Variants in RBMS3 observed in about 807,000 individuals in gnomAD.
RBMS3 encodes the protein RNA-binding motif, single-stranded-interacting protein 3.
A neutral mutation model predicts 66.8 loss-of-function variants in RBMS3; 27 were observed. The ratio of observed to expected loss-of-function variants is 0.40; its 90% CI spans 0.30 to 0.56. RBMS3 has a LOEUF of 0.56. RBMS3 is among the 20% of genes least tolerant of loss of function. The pLI, the probability that RBMS3 is intolerant of heterozygous loss-of-function variation, is 0.40. For missense variants in RBMS3, 513 were observed against 549.5 expected (o/e 0.93, Z 0.66); for synonymous variants, 188 against 183.0 (o/e 1.03, Z -0.22).
chr3:29,599,893 CA>C (rs1393775578), intron 4 of RBMS3, among the ~76,000 whole-genome samples: 2 of 151,552 alleles, frequency 1.3e-5, no homozygotes, highest in Non-Finnish European at 2.9e-5. Context: ...AGTATTCACC[CA>C]AATCAGGAAA....
At position 29,361,376 on chromosome 3, in the gene RBMS3, C is replaced by A. The variant is rs546842957; in HGVS notation, c.76-73367C>A. ...TATTTAAGAATGTTGAATATTGACCCCCACTCTCTTCTGGCTTGTAGAGTT... is the reference window on the plus strand; with the variant it reads ...TATTTAAGAATGTTGAATATTGACCACCACTCTCTTCTGGCTTGTAGAGTT... On this transcript the variant is annotated intron_variant, in intron 1 of 14. Transcript: ENST00000383767. Among the ~76,000 whole-genome samples the A allele has an allele frequency of 6.2e-4, 94 of 150,872 alleles. 2 individuals carry two copies. The highest frequency in any genetic ancestry group is 2.2e-3 in the African/African-American group (90 of 40,210).
intron 6 of RBMS3, among the ~76,000 whole-genome samples, chr3:29,822,074 G>A (rs2058089249): frequency 6.6e-6 from 1 of 152,128 alleles, no homozygotes; most frequent in Non-Finnish European, 1.5e-5. Flanking sequence ...AACTGCACAA[G>A]GATGGTAATC....
At chr3:29,433,890 T>G (rs994665679) in intron 1 of RBMS3, among the ~76,000 whole-genome samples, 3 of 152,194 alleles carry the variant, frequency 2.0e-5, no homozygotes, top group African/African-American at 7.2e-5. Flanking sequence ...CAGGGGGAGA[T>G]TCCTACCAGC....
chr3:29,291,241 CTT>C (rs1050903442), intron 1 of RBMS3, among the ~76,000 whole-genome samples: 2 of 151,852 alleles, frequency 1.3e-5, no homozygotes, highest in African/African-American at 4.8e-5. Context: ...TTTTGTAGGT[CTT>C]TAAGATGGTC....
rs113219010 is a variant in RBMS3, at chr3:29,393,662, G to A, written c.76-41081G>A. Among the ~76,000 whole-genome samples the A allele has an allele frequency of 4.6e-4, 67 of 146,676 alleles. 1 individual carries two copies. Among genetic ancestry groups the A allele is most frequent in the African/African-American group, 1.5e-3 (60 of 39,042 alleles). ...GGGAAACAGCCCCCAGTATTTCAACGTAGGTTCTTTTCTATTTTTCCCTAA... is the reference window on the plus strand; with the variant it reads ...GGGAAACAGCCCCCAGTATTTCAACATAGGTTCTTTTCTATTTTTCCCTAA... On this transcript the variant is annotated intron_variant, in intron 1 of 14. Coordinates refer to ENST00000383767, the MANE Select transcript of RBMS3 (RefSeq NM_001003793.3).
intron 4 of RBMS3, among the ~76,000 whole-genome samples, chr3:29,598,321 C>T (rs185283952): frequency 4.1e-4 from 63 of 152,028 alleles, no homozygotes; most frequent in African/African-American, 1.4e-3. Flanking sequence ...TATATATTCC[C>T]GAGGAAGCCA....
intron 14 of RBMS3, among the ~76,000 whole-genome samples, chr3:29,994,960 A>C (rs150175959): frequency 0.31 from 47,813 of 151,848 alleles, 8,264 homozygotes; most frequent in East Asian, 0.54. Context: ...AGGCTTCAGA[A>C]GATCAAATTA....
chr3:29,499,770 T>C (rs2043895149), intron 3 of RBMS3, among the ~76,000 whole-genome samples: 1 of 152,144 alleles, frequency 6.6e-6, no homozygotes, highest in South Asian at 2.1e-4. Flanking sequence ...TTTCTTTCGA[T>C]AAACAATAGG....
intron 3 of RBMS3, among the ~76,000 whole-genome samples, chr3:29,507,598 A>C (rs1402423709): frequency 1.3e-5 from 2 of 152,098 alleles, no homozygotes; most frequent in African/African-American, 2.4e-5. Context: ...TGTAATTATC[A>C]GTTGACATGT....
At chr3:29,718,446 A>G (rs965884071) in intron 4 of RBMS3, among the ~76,000 whole-genome samples, 1 of 152,108 alleles carries the variant, frequency 6.6e-6, no homozygotes, top group African/African-American at 2.4e-5. Flanking sequence ...GGATGGGGAA[A>G]ATGTTCAAAA....
chr3:29,608,154 C>T lies in RBMS3; in HGVS notation c.399+20949C>T, dbSNP rs574129027. Among the ~76,000 whole-genome samples the T allele has an allele frequency of 7.3e-5, 11 of 151,404 alleles. No homozygotes were observed. The South Asian group carries it at 2.3e-3, about 32-fold the overall frequency. ...ATAAAATAATATGTCTGTCTATATC[C>T]CAGACATCATATTATTTCACCTATA... On this transcript the variant is annotated intron_variant, in intron 4 of 14. Transcript: ENST00000383767.
chr3:29,844,447 G>T (rs570887130), intron 6 of RBMS3, among the ~76,000 whole-genome samples: 62 of 152,262 alleles, frequency 4.1e-4, no homozygotes, highest in African/African-American at 1.4e-3. Flanking sequence ...TGGAAACATT[G>T]CCATTAACTA....
At chr3:29,563,131 A>G (rs1392574321) in intron 3 of RBMS3, among the ~76,000 whole-genome samples, 1 of 152,198 alleles carries the variant, frequency 6.6e-6, no homozygotes, top group Non-Finnish European at 1.5e-5. Flanking sequence ...ATAGCAGGTC[A>G]TTGTAAAAGA....
intron 6 of RBMS3, among the ~76,000 whole-genome samples, chr3:29,786,442 C>T (rs2149418904): frequency 6.6e-6 from 1 of 152,278 alleles, no homozygotes; most frequent in African/African-American, 2.4e-5. Flanking sequence ...TGACTTCAAA[C>T]TATACTACAA....
chr3:29,832,888 C>T (rs2058410790), intron 6 of RBMS3, among the ~76,000 whole-genome samples: 1 of 152,142 alleles, frequency 6.6e-6, no homozygotes, highest in African/African-American at 2.4e-5. Context: ...AAGCCAGCTC[C>T]CTTAATATAC....
At chr3:29,973,735 G>A (rs776084799) in intron 12 of RBMS3, among the ~76,000 whole-genome samples, 13 of 151,784 alleles carry the variant, frequency 8.6e-5, no homozygotes, top group Non-Finnish European at 1.8e-4. Context: ...AGCAATTACT[G>A]TGCTCACTCT....
intron 1 of RBMS3, among the ~76,000 whole-genome samples, chr3:29,330,528 A>G (rs2035594686): frequency 9.9e-6 from 1 of 101,052 alleles, no homozygotes; most frequent in African/African-American, 4.9e-5. Flanking sequence ...ATTATTGTCT[A>G]TAAAAAATCC....
intron 4 of RBMS3, among the ~76,000 whole-genome samples, chr3:29,738,849 G>C (rs2054494211): frequency 1.3e-5 from 2 of 152,194 alleles, no homozygotes; most frequent in Non-Finnish European, 2.9e-5. Context: ...CAGTAGACCA[G>C]AGCAATAAAT....
chr3:29,310,961 T>C (rs2034337195), intron 1 of RBMS3, among the ~76,000 whole-genome samples: 1 of 151,814 alleles, frequency 6.6e-6, no homozygotes, highest in South Asian at 2.1e-4. Flanking sequence ...TAAAACCTTT[T>C]AGTCTGCACA....
Sources: allele counts gnomAD v4.1 joint callset (sites outside exome capture counted in the v4.1 genomes callset), GRCh38; gene constraint gnomAD v4.1.1; transcripts MANE v1.5; gene names NCBI Gene and HGNC (gene_info 2026-07-23, HGNC 2026-07-21).